PCDHA10: variants seen among roughly 807,000 people sequenced by gnomAD.
The protein encoded by PCDHA10 is protocadherin alpha-10.
Under a neutral mutation model 61.2 loss-of-function variants are expected in PCDHA10, and 45 were observed. That is an observed-to-expected ratio of 0.74 (90% CI 0.58 to 0.94). The LOEUF is 0.94. Among genes scored for constraint, PCDHA10 ranks in the 40% least tolerant of loss-of-function variants. The probability of loss-of-function intolerance (pLI) is 0.00; values close to 1 mark genes in which losing one functional copy is unlikely to be tolerated. For synonymous variants in PCDHA10, 602 were observed against 548.8 expected (o/e 1.10, Z -1.35); for missense variants, 1,278 against 1,236.2 (o/e 1.03, Z -0.51).
intron 1 of PCDHA10, chr5:140,928,272 TG>T (rs781906023): frequency 6.2e-7 from 1 of 1,614,156 alleles, no homozygotes; most frequent in Non-Finnish European, 8.5e-7. Context: ...ACAATGGCCC[TG>T]GGGCCTCTCT....
chr5:141,000,887 AAC>A (rs1554257872), intron 3 of PCDHA10, among the ~76,000 whole-genome samples: 4 of 152,188 alleles, frequency 2.6e-5, no homozygotes. Context: ...CAACCTGGGC[AAC>A]AGATATAGAC....
chr5:140,893,297 A>G (rs553139850), intron 1 of PCDHA10, among the ~76,000 whole-genome samples: 4 of 152,154 alleles, frequency 2.6e-5, no homozygotes, highest in South Asian at 2.1e-4. Context: ...TGGTAGTTCT[A>G]TTTGTAGTTT....
At chr5:140,944,865 T>G (rs1227128611) in intron 1 of PCDHA10, among the ~76,000 whole-genome samples, 3 of 152,166 alleles carry the variant, frequency 2.0e-5, no homozygotes, top group Non-Finnish European at 4.4e-5. Flanking sequence ...TTATTTATCT[T>G]AACCACCTAC....
chr5:140,884,428 G>T, intron 1 of PCDHA10: 1 of 1,613,962 alleles, frequency 6.2e-7, no homozygotes, highest in East Asian at 2.2e-5. Flanking sequence ...TGTATACTGC[G>T]CTGCGGTGCT....
chr5:140,944,003 C>A (rs1185007409), intron 1 of PCDHA10, among the ~76,000 whole-genome samples: 11 of 152,038 alleles, frequency 7.2e-5, no homozygotes, highest in African/African-American at 2.2e-4. Flanking sequence ...CTACTGAGTA[C>A]CCCCCAAAAG....
intron 1 of PCDHA10, among the ~76,000 whole-genome samples, chr5:140,962,378 G>A (rs184607177): frequency 2.1e-3 from 316 of 152,286 alleles, no homozygotes; most frequent in African/African-American, 7.3e-3. Context: ...GATTTTATCT[G>A]TTAATATTAC....
chr5:140,996,403 G>A (rs2097725218), intron 3 of PCDHA10, among the ~76,000 whole-genome samples: 2 of 152,216 alleles, frequency 1.3e-5, no homozygotes, highest in South Asian at 4.1e-4. Context: ...AGTTTCAGGT[G>A]GGGCAGGCAG....
rs2154002003 is a variant in PCDHA10, at chr5:141,010,389, G to GAC, written c.*453_*454dup. The stretch of plus-strand genomic sequence containing the variant: ...TATGCGAGTGCCAGATATTGGCTGA[G>GAC]ACGAGCCAGCTTAGACTAATTGGTA... On this transcript the variant is annotated 3_prime_UTR_variant, in exon 4 of 4. Coordinates refer to ENST00000307360, the MANE Select transcript of PCDHA10 (RefSeq NM_018901.4). 1.4e-6 allele frequency: 2 copies of GAC among 1,400,314 alleles called. No individual in the cohort carries two copies. The highest frequency in any genetic ancestry group is 5.0e-5 in the East Asian group (2 of 40,030). The allele number at this position is 1,400,314 out of a possible 1,614,324, so 86.7% of individuals were successfully genotyped here. A position where few individuals can be genotyped will look rare whatever the true frequency, so the allele number is the denominator to read the frequency against.
At chr5:140,887,829 G>A (rs2061597831) in intron 1 of PCDHA10, among the ~76,000 whole-genome samples, 1 of 151,932 alleles carries the variant, frequency 6.6e-6, no homozygotes, top group Non-Finnish European at 1.5e-5. Flanking sequence ...GCCTCATTTT[G>A]AATATCTTTT....
At chr5:140,957,781 TTCA>T (rs2095383587) in intron 1 of PCDHA10, among the ~76,000 whole-genome samples, 1 of 152,072 alleles carries the variant, frequency 6.6e-6, no homozygotes, top group African/African-American at 2.4e-5. Context: ...AAAAACTAAG[TTCA>T]TCATATATGT....
rs1472769366 is a variant in PCDHA10, at chr5:140,928,640, T to C, written c.2389-50309T>C. On this transcript the variant is annotated intron_variant, in intron 1 of 3. Transcript: ENST00000307360. ...AGGACTGGACACTTGGTCACAAAAG[T>C]GGTAGCAGAGGATGCTGACAGTGGT... The C allele has an allele frequency of 1.2e-6, 2 of 1,614,096 alleles. No individual in the cohort carries two copies. Among genetic ancestry groups the C allele is most frequent in the African/African-American group, 2.7e-5 (2 of 74,930 alleles).
chr5:141,009,269 A>G (rs2098404104), intron 3 of PCDHA10, among the ~76,000 whole-genome samples: 1 of 152,140 alleles, frequency 6.6e-6, no homozygotes, highest in Non-Finnish European at 1.5e-5. Flanking sequence ...AGCCTGGGCA[A>G]CATAGTGAGA....
At chr5:140,973,325 A>G (rs180770098) in intron 1 of PCDHA10, among the ~76,000 whole-genome samples, 71 of 152,216 alleles carry the variant, frequency 4.7e-4, no homozygotes, top group African/African-American at 1.7e-3. Context: ...CAGAGTTTAC[A>G]CTCGTTGTAA....
At chr5:140,935,796 G>A (rs2090564598) in intron 1 of PCDHA10, among the ~76,000 whole-genome samples, 2 of 150,224 alleles carry the variant, frequency 1.3e-5, no homozygotes, top group African/African-American at 2.5e-5. Flanking sequence ...AAATATAAAC[G>A]AGATTATTTC....
At chr5:140,989,013 G>A (rs1171400170) in intron 3 of PCDHA10, 1 of 152,208 alleles carries the variant, frequency 6.6e-6, no homozygotes, top group Non-Finnish European at 1.5e-5. Context: ...ACTTATTATA[G>A]TTTCTTCAGT....
chr5:140,996,918 A>T lies in PCDHA10; in HGVS notation c.2537-12709A>T, dbSNP rs10036183. On this transcript the variant is annotated intron_variant, in intron 3 of 3. Transcript: ENST00000307360. ...GAATTACATTGTTGAAGTAAATATT[A>T]AAAAATATAGCATTTTTGCATAGAA... Among the ~76,000 whole-genome samples, 492 of 152,328 alleles carry T rather than the reference A, an allele frequency of 3.2e-3. 4 individuals are homozygous for T. Among genetic ancestry groups the T allele is most frequent in the African/African-American group, 0.011 (464 of 41,562 alleles).
intron 3 of PCDHA10, among the ~76,000 whole-genome samples, chr5:140,997,279 A>G (rs1386656925): frequency 6.6e-6 from 1 of 152,166 alleles, no homozygotes; most frequent in Non-Finnish European, 1.5e-5. Flanking sequence ...TTCTTGCATC[A>G]CTTAACAATG....
intron 1 of PCDHA10, chr5:140,860,659 T>C (rs1310065546): frequency 1.3e-5 from 2 of 152,224 alleles, no homozygotes; most frequent in Non-Finnish European, 2.9e-5. Context: ...AGTGAAATAA[T>C]ATGAAATCAA....
At chr5:140,953,952 C>T (rs1025145135) in intron 1 of PCDHA10, among the ~76,000 whole-genome samples, 1 of 152,084 alleles carries the variant, frequency 6.6e-6, no homozygotes, top group Non-Finnish European at 1.5e-5. Context: ...GCTCCCCCAA[C>T]AGGCCCCAGT....
Sources: allele counts gnomAD v4.1 joint callset (sites outside exome capture counted in the v4.1 genomes callset), GRCh38; gene constraint gnomAD v4.1.1; transcripts MANE v1.5; gene names NCBI Gene and HGNC (gene_info 2026-07-23, HGNC 2026-07-21).